The following CNOT2 variants were observed in gnomAD, a reference collection of about 807,000 sequenced individuals.
The protein encoded by CNOT2 is CCR4-NOT transcription complex subunit 2.
In CNOT2, 7 loss-of-function variants were observed where a neutral mutation model predicts 72.1. The ratio of observed to expected loss-of-function variants is 0.10; its 90% CI spans 0.06 to 0.18. CNOT2 has a LOEUF of 0.18. CNOT2 is among the 10% of genes least tolerant of loss of function. The pLI, the probability that CNOT2 is intolerant of heterozygous loss-of-function variation, is 1.00. For missense variants in CNOT2, 345 were observed against 660.3 expected, an observed-to-expected ratio of 0.52 and a Z score of 5.23; for synonymous variants, 196 against 225.6, an observed-to-expected ratio of 0.87 and a Z score of 1.17.
chr12:70,286,822 C>T (rs1469730), intron 2 of CNOT2, among the ~76,000 whole-genome samples: 3,742 of 135,996 alleles, frequency 0.028, 227 homozygotes, highest in African/African-American at 0.088. Context: ...GTGGAAGAAT[C>T]GATAAGTTTA....
chr12:70,338,932 C>A (rs1435866987), intron 11 of CNOT2, 110 bp downstream of exon 11: 2 of 867,262 alleles, frequency 2.3e-6, no homozygotes, highest in Middle Eastern at 2.8e-4. Flanking sequence ...TGTTAACCTG[C>A]TGATTCTCTG....
chr12:70,262,440 A>G (rs1363571371), intron 1 of CNOT2, among the ~76,000 whole-genome samples: 1 of 150,894 alleles, frequency 6.6e-6, no homozygotes, highest in African/African-American at 2.4e-5. Flanking sequence ...CACCCGGTCA[A>G]TTTTTTTGTA....
intron 3 of CNOT2, among the ~76,000 whole-genome samples, chr12:70,318,557 C>T (rs2135982188): frequency 1.3e-5 from 2 of 151,376 alleles, no homozygotes; most frequent in South Asian, 4.1e-4. Context: ...TAAATGTTAC[C>T]ACTCTATAGA....
intron 2 of CNOT2, among the ~76,000 whole-genome samples, chr12:70,305,662 C>A (rs1486061327): frequency 6.6e-6 from 1 of 152,070 alleles, no homozygotes; most frequent in Non-Finnish European, 1.5e-5. Context: ...CAAAATTAAG[C>A]TGAAACATAA....
chr12:70,310,144 T>C (rs1876203274), intron 2 of CNOT2, among the ~76,000 whole-genome samples: 1 of 152,052 alleles, frequency 6.6e-6, no homozygotes, highest in South Asian at 2.1e-4. Context: ...ATAAACCATT[T>C]TATGTGAGAG....
chr12:70,300,578 T>C (rs1253276431), intron 2 of CNOT2, among the ~76,000 whole-genome samples: 5 of 152,220 alleles, frequency 3.3e-5, no homozygotes, highest in Admixed American at 6.5e-5. Context: ...CATTGGTCTG[T>C]ATCTCTGTTT....
rs540498841 is a variant in CNOT2 at position 70,334,172 on chromosome 12, G to C, written c.650-1266G>C. Among the ~76,000 whole-genome samples, 10 of 151,964 alleles carry C rather than the reference G, an allele frequency of 6.6e-5. No homozygotes were observed. The South Asian group carries it at 8.3e-4, about 13-fold the overall frequency. On this transcript the variant is annotated intron_variant, in intron 7 of 15. Coordinates refer to ENST00000229195, the MANE Select transcript of CNOT2 (RefSeq NM_014515.7). ...GAGGACCTAAAGATATGTATTAAAA[G>C]TTAATATATATTCAAAATGTATGAC...
In CNOT2 at chr12:70,290,274, T is replaced by C. The variant is rs1332402439; in HGVS notation, c.48+12000T>C. ...TTCTGGTAGTTTCCTTCCATGCATG[T>C]GCTAATCAGTACTTAGCTGAAATCT... On this transcript the variant is annotated intron_variant, in intron 2 of 15. Coordinates refer to ENST00000229195, the MANE Select transcript of CNOT2 (RefSeq NM_014515.7). 2.0e-5 allele frequency among the ~76,000 whole-genome samples: 3 copies of C among 152,014 alleles called. No homozygotes were observed. In the East Asian group the frequency reaches 5.8e-4, roughly 29 times the overall value.
At chr12:70,265,192 T>C (rs1048690791) in intron 1 of CNOT2, among the ~76,000 whole-genome samples, 13 of 152,098 alleles carry the variant, frequency 8.5e-5, no homozygotes, top group African/African-American at 3.1e-4. Flanking sequence ...CTGGAAAACA[T>C]GTCAAGTTGG....
intron 2 of CNOT2, among the ~76,000 whole-genome samples, chr12:70,287,093 A>G (rs1871030154): frequency 6.6e-6 from 1 of 151,978 alleles, no homozygotes; most frequent in African/African-American, 2.4e-5. Flanking sequence ...TTTGGAAATG[A>G]CAGTTTTGAA....
intron 2 of CNOT2, among the ~76,000 whole-genome samples, chr12:70,307,024 T>A (rs977342675): frequency 1.3e-5 from 2 of 152,188 alleles, no homozygotes; most frequent in Non-Finnish European, 2.9e-5. Flanking sequence ...AACATTTTTT[T>A]AAAAAGGTTA....
At chr12:70,276,978 T>C (rs1459208129) in intron 1 of CNOT2, among the ~76,000 whole-genome samples, 1 of 152,040 alleles carries the variant, frequency 6.6e-6, no homozygotes, top group Non-Finnish European at 1.5e-5. Context: ...TTAAATGTTC[T>C]GCCCGTATAG....
chr12:70,258,784 T>TTCAC (rs1958585139), intron 1 of CNOT2, among the ~76,000 whole-genome samples: 2 of 152,170 alleles, frequency 1.3e-5, no homozygotes, highest in Non-Finnish European at 2.9e-5. Flanking sequence ...CGTGAGCCTG[T>TTCAC]GGTGAGGGAG....
At chr12:70,269,984 G>A (rs1959184132) in intron 1 of CNOT2, among the ~76,000 whole-genome samples, 1 of 152,038 alleles carries the variant, frequency 6.6e-6, no homozygotes. Flanking sequence ...TAATATTATT[G>A]CCATTTGTGA....
At chr12:70,330,511 T>C (rs1367663696) in intron 6 of CNOT2, 42 bp downstream of exon 6, 2 of 1,433,446 alleles carry the variant, frequency 1.4e-6, no homozygotes, top group South Asian at 1.3e-5. Flanking sequence ...TCTTTCTGGG[T>C]ATACTCAGAT....
intron 1 of CNOT2, among the ~76,000 whole-genome samples, chr12:70,267,285 G>A (rs185328671): frequency 4.0e-4 from 61 of 152,288 alleles, no homozygotes; most frequent in Non-Finnish European, 5.6e-4. Context: ...AGGGTATAGA[G>A]AAGAAACCTT....
At chr12:70,299,087 G>A (rs1031613837) in intron 2 of CNOT2, among the ~76,000 whole-genome samples, 1 of 151,992 alleles carries the variant, frequency 6.6e-6, no homozygotes, top group African/African-American at 2.4e-5. Context: ...GACTCACATG[G>A]CTGGGGAGGT....
intron 2 of CNOT2, among the ~76,000 whole-genome samples, chr12:70,281,883 T>C (rs2135819770): frequency 6.6e-6 from 1 of 152,374 alleles, no homozygotes; most frequent in East Asian, 1.9e-4. Flanking sequence ...TTAAAGTTCA[T>C]TGGTCACATT....
At chr12:70,339,057 C>G (rs1034262350) in intron 11 of CNOT2, among the ~76,000 whole-genome samples, 5 of 118,812 alleles carry the variant, frequency 4.2e-5, no homozygotes, top group African/African-American at 1.8e-4. Context: ...TGTGCATGTG[C>G]ATGTATATAT....
Sources: gnomAD v4.1 joint callset for allele counts (sites outside exome capture counted in the v4.1 genomes callset) on GRCh38, gnomAD v4.1.1 for gene constraint, MANE v1.5 for transcripts, NCBI Gene and HGNC (gene_info 2026-07-23, HGNC 2026-07-21) for gene names.